CTNNA3: variants seen among roughly 807,000 people sequenced by gnomAD.
CTNNA3 encodes the protein catenin alpha-3.
CTNNA3 carries 76 observed loss-of-function variants against 95.7 expected under a neutral mutation model. The observed-to-expected ratio is 0.79, with a 90% CI of 0.66 to 0.96. The LOEUF is 0.96. Among genes scored for constraint, CTNNA3 ranks in the 40% least tolerant of loss-of-function variants. CTNNA3 has a pLI of 0.00. For missense variants in CTNNA3, 1,191 were observed against 1,089.8 expected (o/e 1.09, Z -1.31); for synonymous variants, 431 against 374.4 (o/e 1.15, Z -1.74).
chr10:66,463,229 G>A (rs966075430), intron 11 of CTNNA3, among the ~76,000 whole-genome samples: 1 of 152,102 alleles, frequency 6.6e-6, no homozygotes, highest in African/African-American at 2.4e-5. Flanking sequence ...TTCATGAATG[G>A]CCTGGTGCCC....
intron 5 of CTNNA3, among the ~76,000 whole-genome samples, chr10:67,493,925 T>A (rs895421857): frequency 6.6e-6 from 1 of 152,114 alleles, no homozygotes; most frequent in Non-Finnish European, 1.5e-5. Context: ...TTTAACAGGT[T>A]AATATGCTGA....
chr10:66,681,880 G>T (rs1847079069), intron 9 of CTNNA3, among the ~76,000 whole-genome samples: 1 of 152,142 alleles, frequency 6.6e-6, no homozygotes, highest in East Asian at 1.9e-4. Context: ...TACAGAGCTT[G>T]GATTTTAATG....
rs191776081 is a variant in CTNNA3 at position 66,698,447 on chromosome 10, G to T, written c.1281+67817C>A. On this transcript the variant is annotated intron_variant, in intron 9 of 17. Coordinates refer to ENST00000433211, the MANE Select transcript of CTNNA3 (RefSeq NM_013266.4). ...CACTTACCCAAAATACCTGCAGGTG[G>T]TATCAGAAATGAGCTTTAAAGGGCC... Among the ~76,000 whole-genome samples the T allele has an allele frequency of 4.5e-3, 688 of 152,096 alleles. 6 individuals are homozygous for T. Among genetic ancestry groups the T allele is most frequent in the African/African-American group, 0.016 (655 of 41,458 alleles).
intron 7 of CTNNA3, among the ~76,000 whole-genome samples, chr10:67,059,485 C>T (rs772461603): frequency 1.7e-4 from 26 of 151,982 alleles, no homozygotes; most frequent in Non-Finnish European, 1.6e-4. Context: ...GAATTTAGGT[C>T]GAAGGTAATA....
intron 5 of CTNNA3, among the ~76,000 whole-genome samples, chr10:67,446,486 T>C (rs1416069692): frequency 2.0e-5 from 3 of 152,172 alleles, no homozygotes; most frequent in African/African-American, 4.8e-5. Flanking sequence ...TGTTTCCTTC[T>C]CTCACTTATC....
chr10:66,690,431 C>T (rs1236904719), intron 9 of CTNNA3, among the ~76,000 whole-genome samples: 1 of 151,558 alleles, frequency 6.6e-6, no homozygotes, highest in African/African-American at 2.4e-5. Flanking sequence ...CCCATTAACT[C>T]GTCATTTAGC....
At chr10:66,886,007 CA>C (rs1285384844) in intron 7 of CTNNA3, among the ~76,000 whole-genome samples, 2 of 152,218 alleles carry the variant, frequency 1.3e-5, no homozygotes, top group East Asian at 3.9e-4. Context: ...CAGGACTTCC[CA>C]AAATGGTTCC....
In CTNNA3 at chr10:66,978,051, C is replaced by T. The variant is rs1589532485; in HGVS notation, c.1047+202266G>A. 7.9e-5 allele frequency among the ~76,000 whole-genome samples: 9 copies of T among 113,350 alleles called. No individual in the cohort carries two copies. The South Asian group carries it at 2.2e-3, about 28-fold the overall frequency. 74.4% of individuals were successfully genotyped at this position (113,350 alleles called of 152,430 possible). A position where few individuals can be genotyped will look rare whatever the true frequency, so the allele number is the denominator to read the frequency against. On this transcript the variant is annotated intron_variant, in intron 7 of 17. Coordinates refer to ENST00000433211, the MANE Select transcript of CTNNA3 (RefSeq NM_013266.4). ...ATCATGAGTGAAATAAATTTGCACA[C>T]ACATATATATATATATACACACACA...
chr10:65,959,380 C>G (rs2133234537), intron 17 of CTNNA3, among the ~76,000 whole-genome samples: 1 of 152,182 alleles, frequency 6.6e-6, no homozygotes, highest in Admixed American at 6.5e-5. Flanking sequence ...GCTAACACTC[C>G]ATGGGCTGTA....
chr10:66,360,633 TTC>T (rs1345417339), intron 12 of CTNNA3, among the ~76,000 whole-genome samples: 1 of 50,884 alleles, frequency 2.0e-5, no homozygotes, highest in Middle Eastern at 5.9e-3. Flanking sequence ...CTTTCTTTCT[TTC>T]TTTCTTTCTT....
chr10:67,166,581 A>G (rs974348548), intron 7 of CTNNA3, among the ~76,000 whole-genome samples: 1 of 152,160 alleles, frequency 6.6e-6, no homozygotes, highest in Non-Finnish European at 1.5e-5. Context: ...TACTAACATC[A>G]GTTTTGGATT....
At chr10:67,508,895 G>C (rs1205902272) in intron 5 of CTNNA3, among the ~76,000 whole-genome samples, 1 of 148,254 alleles carries the variant, frequency 6.7e-6, no homozygotes, top group Non-Finnish European at 1.5e-5. Context: ...TTTTTTTTGA[G>C]ACCTAAGTCT....
At chr10:65,971,707 G>C (rs1022970342) in intron 16 of CTNNA3, among the ~76,000 whole-genome samples, 11 of 151,030 alleles carry the variant, frequency 7.3e-5, no homozygotes, top group Non-Finnish European at 1.6e-4. Context: ...AACAAAAAGA[G>C]CCCCAGCCAA....
At chr10:66,998,355 A>T (rs1851475382) in intron 7 of CTNNA3, among the ~76,000 whole-genome samples, 1 of 152,210 alleles carries the variant, frequency 6.6e-6, no homozygotes, top group African/African-American at 2.4e-5. Context: ...TTTTTAAAGC[A>T]CAAGAAGCAT....
intron 9 of CTNNA3, among the ~76,000 whole-genome samples, chr10:66,646,173 G>C (rs185450576): frequency 1.3e-5 from 2 of 152,240 alleles, no homozygotes; most frequent in East Asian, 3.9e-4. Context: ...GGATAACAGA[G>C]CAAAGGCAGA....
chr10:66,475,764 G>A (rs1255721621), intron 11 of CTNNA3, among the ~76,000 whole-genome samples: 4 of 152,016 alleles, frequency 2.6e-5, no homozygotes, highest in African/African-American at 9.7e-5. Context: ...CACAGTTGAT[G>A]GAAATGTAAA....
chr10:67,222,907 C>T (rs1282483712), intron 5 of CTNNA3, among the ~76,000 whole-genome samples: 3 of 152,162 alleles, frequency 2.0e-5, no homozygotes, highest in African/African-American at 7.2e-5. Flanking sequence ...ATTTCTTTTG[C>T]TCTAATGGTA....
intron 5 of CTNNA3, among the ~76,000 whole-genome samples, chr10:67,357,569 C>T (rs1279801634): frequency 6.6e-6 from 1 of 151,930 alleles, no homozygotes; most frequent in Non-Finnish European, 1.5e-5. Context: ...ATTACATCAG[C>T]TAGAAAAACA....
At chr10:66,496,706 G>A (rs61513641) in intron 11 of CTNNA3, among the ~76,000 whole-genome samples, 24 of 152,096 alleles carry the variant, frequency 1.6e-4, no homozygotes, top group Non-Finnish European at 1.9e-4. Flanking sequence ...GTGAACACAC[G>A]ACAAAGGAAA....
Sources: gnomAD v4.1 joint callset for allele counts (sites outside exome capture counted in the v4.1 genomes callset) on GRCh38, gnomAD v4.1.1 for gene constraint, MANE v1.5 for transcripts, NCBI Gene and HGNC (gene_info 2026-07-23, HGNC 2026-07-21) for gene names.